HMBOX1: variants seen among roughly 807,000 people sequenced by gnomAD.
HMBOX1 encodes the protein homeobox-containing protein 1.
HMBOX1 carries 14 observed loss-of-function variants against 54.5 expected under a neutral mutation model. The observed-to-expected ratio is 0.26, with a 90% CI of 0.17 to 0.40. The LOEUF (loss-of-function observed/expected upper bound fraction) is 0.40. HMBOX1 is among the 10% of genes least tolerant of loss of function. HMBOX1 has a pLI of 1.00. For missense variants in HMBOX1, 332 were observed against 514.4 expected, an observed-to-expected ratio of 0.65 and a Z score of 3.43; for synonymous variants, 160 against 181.0, an observed-to-expected ratio of 0.88 and a Z score of 0.93.
At chr8:28,902,861 A>G (rs1813492616) in intron 1 of HMBOX1, among the ~76,000 whole-genome samples, 1 of 152,228 alleles carries the variant, frequency 6.6e-6, no homozygotes, top group Non-Finnish European at 1.5e-5. Flanking sequence ...TGTATGATGG[A>G]AATATTGTTG....
intron 4 of HMBOX1, among the ~76,000 whole-genome samples, chr8:29,006,420 T>C (rs1833463712): frequency 6.6e-6 from 1 of 152,172 alleles, no homozygotes; most frequent in African/African-American, 2.4e-5. Flanking sequence ...CTGTGGGATA[T>C]ATGCCTAGTA....
chr8:29,026,687 A>C (rs184284149), intron 6 of HMBOX1, among the ~76,000 whole-genome samples: 108 of 152,324 alleles, frequency 7.1e-4, no homozygotes, highest in South Asian at 5.6e-3. Context: ...CTAAGACCAC[A>C]GAGCTAACAA....
At chr8:28,947,271 A>T (rs1476816033) in intron 1 of HMBOX1, among the ~76,000 whole-genome samples, 1 of 152,222 alleles carries the variant, frequency 6.6e-6, no homozygotes, top group Non-Finnish European at 1.5e-5. Context: ...TTACAGTATC[A>T]TGAGTATTGG....
intron 5 of HMBOX1, among the ~76,000 whole-genome samples, chr8:29,018,435 C>G (rs569109579): frequency 3.3e-5 from 5 of 152,058 alleles, no homozygotes; most frequent in African/African-American, 1.2e-4. Context: ...ATCTTATTTT[C>G]TTTCATGCTG....
chr8:28,975,491 G>C (rs1281339004), intron 3 of HMBOX1, among the ~76,000 whole-genome samples: 2 of 152,116 alleles, frequency 1.3e-5, no homozygotes, highest in East Asian at 3.8e-4. Flanking sequence ...TGAAAGTTTA[G>C]CAAGTTATAA....
At chr8:28,985,254 T>TA (rs1829990661) in intron 4 of HMBOX1, among the ~76,000 whole-genome samples, 1 of 152,172 alleles carries the variant, frequency 6.6e-6, no homozygotes, top group African/African-American at 2.4e-5. Context: ...CTTTCTGACT[T>TA]AAAGACCATG....
At chr8:29,022,011 T>A (rs1162704038) in intron 6 of HMBOX1, among the ~76,000 whole-genome samples, 1 of 152,102 alleles carries the variant, frequency 6.6e-6, no homozygotes, top group Non-Finnish European at 1.5e-5. Context: ...AAACAGACAC[T>A]CTCATACGTT....
intron 1 of HMBOX1, among the ~76,000 whole-genome samples, chr8:28,896,237 G>A (rs896421958): frequency 4.6e-5 from 7 of 152,198 alleles, no homozygotes; most frequent in Admixed American, 2.6e-4. Flanking sequence ...TAGTTTACAG[G>A]AAGCTGCAAA....
chr8:29,049,487 G>A lies in HMBOX1; in HGVS notation c.1125+439G>A, dbSNP rs978361447. The A allele has an allele frequency of 7.6e-5, 110 of 1,454,646 alleles. 1 individual carries two copies. The Admixed American group carries it at 2.1e-3, about 28-fold the overall frequency. 90.1% of individuals were successfully genotyped at this position (1,454,646 alleles called of 1,614,324 possible). A position where few individuals can be genotyped will look rare whatever the true frequency, so the allele number is the denominator to read the frequency against. ...CTAAACACGTACCGACGCAGGGCACGATGGAAGGCCCCACTCACTCTGGCC... is the reference window on the plus strand; with the variant it reads ...CTAAACACGTACCGACGCAGGGCACAATGGAAGGCCCCACTCACTCTGGCC... On this transcript the variant is annotated intron_variant, in intron 9 of 9. Transcript: ENST00000287701.
chr8:28,989,208 G>T (rs1830590998), intron 4 of HMBOX1, among the ~76,000 whole-genome samples: 1 of 151,960 alleles, frequency 6.6e-6, no homozygotes, highest in African/African-American at 2.4e-5. Flanking sequence ...GGAGGCAGAG[G>T]TTGGGGTGAG....
Position 29,043,862 on chromosome 8 carries a change from A to G in HMBOX1, c.852-1499A>G, listed in dbSNP as rs1031875533. On this transcript the variant is annotated intron_variant, in intron 6 of 9. Transcript: ENST00000287701. ...ATTATGAGGGTAGTGACTTGGAAAAATCCTCCGTATGAACACTGGAGTCCC... is the reference window on the plus strand; with the variant it reads ...ATTATGAGGGTAGTGACTTGGAAAAGTCCTCCGTATGAACACTGGAGTCCC... Among the ~76,000 whole-genome samples the G allele has an allele frequency of 4.6e-5, 7 of 152,184 alleles. No homozygotes were observed. In the South Asian group the frequency reaches 6.2e-4, roughly 13 times the overall value.
chr8:28,904,146 A>G (rs537736165), intron 1 of HMBOX1, among the ~76,000 whole-genome samples: 19 of 152,170 alleles, frequency 1.2e-4, no homozygotes, highest in South Asian at 8.3e-4. Context: ...CATACCCATA[A>G]TGTATCACTT....
At chr8:28,946,200 G>A (rs1038932926) in intron 1 of HMBOX1, among the ~76,000 whole-genome samples, 6 of 151,044 alleles carry the variant, frequency 4.0e-5, no homozygotes, top group Admixed American at 1.3e-4. Flanking sequence ...TGATCCACCC[G>A]CCTCGGCTTC....
At chr8:28,956,661 GCT>G (rs1824511264) in intron 1 of HMBOX1, among the ~76,000 whole-genome samples, 1 of 151,980 alleles carries the variant, frequency 6.6e-6, no homozygotes, top group Admixed American at 6.6e-5. Context: ...ATTCTGTCCT[GCT>G]CATTTGTGTG....
chr8:29,049,558 A>G, intron 9 of HMBOX1: 2 of 1,010,326 alleles, frequency 2.0e-6, no homozygotes, highest in Non-Finnish European at 2.7e-6. Flanking sequence ...GTTCTTCCAG[A>G]GTCTCTGGCA....
chr8:28,909,927 A>G (rs1585715645), intron 1 of HMBOX1, among the ~76,000 whole-genome samples: 1 of 151,740 alleles, frequency 6.6e-6, no homozygotes, highest in Non-Finnish European at 1.5e-5. Context: ...TGGTGTGATC[A>G]TGGCTCACTG....
intron 4 of HMBOX1, among the ~76,000 whole-genome samples, chr8:28,996,917 A>G (rs1046846754): frequency 2.6e-5 from 4 of 152,238 alleles, no homozygotes; most frequent in Admixed American, 6.5e-5. Context: ...GTTAATGGAT[A>G]GAAATAAGGT....
chr8:29,049,086 T>C (rs147467350), intron 9 of HMBOX1, 38 bp downstream of exon 9: 3 of 1,582,800 alleles, frequency 1.9e-6, no homozygotes, highest in Non-Finnish European at 2.6e-6. Flanking sequence ...TCTTGGTGCC[T>C]GAGCAGGGGG....
chr8:28,931,306 T>A (rs1254238201), intron 1 of HMBOX1, among the ~76,000 whole-genome samples: 1 of 152,204 alleles, frequency 6.6e-6, no homozygotes, highest in Admixed American at 6.5e-5. Context: ...GTCTAAACTT[T>A]GTCCGTGGAA....
Sources: allele counts gnomAD v4.1 joint callset (sites outside exome capture counted in the v4.1 genomes callset), GRCh38; gene constraint gnomAD v4.1.1; transcripts MANE v1.5; gene names NCBI Gene and HGNC (gene_info 2026-07-23, HGNC 2026-07-21).